SFPQ: variants seen among roughly 807,000 people sequenced by gnomAD.
SFPQ encodes the protein splicing factor, proline- and glutamine-rich.
A neutral mutation model predicts 72.9 loss-of-function variants in SFPQ; 11 were observed. That is an observed-to-expected ratio of 0.15 (90% confidence interval 0.09 to 0.25). The LOEUF (loss-of-function observed/expected upper bound fraction) is 0.25, where lower values mean the gene tolerates loss of function less well. Among genes scored for constraint, SFPQ ranks in the 10% least tolerant of loss-of-function variants. SFPQ has a pLI of 1.00. For missense variants in SFPQ, 847 were observed against 993.3 expected, an observed-to-expected ratio of 0.85 and a Z score of 1.98; for synonymous variants, 506 against 367.3, an observed-to-expected ratio of 1.38 and a Z score of -4.32.
chr1:35,188,096 AATACCC>A lies in SFPQ; in HGVS notation c.1698-12_1698-7del. 1 of 1,587,516 alleles carries A rather than the reference AATACCC, an allele frequency of 6.3e-7. No homozygotes were observed. The highest frequency in any genetic ancestry group is 8.7e-7 in the Non-Finnish European group (1 of 1,155,868). On this transcript the variant is annotated splice_region_variant and splice_polypyrimidine_tract_variant and intron_variant, in intron 6 of 9. Transcript: ENST00000357214. ...TACGTCGTTCCTCCTCTTGCCTAGA[AATACCC>A]ATCAGGTACATAACTGAAGTGTTAT...
downstream of SFPQ, chr1:35,179,002 TTA>T: frequency 9.5e-7 from 1 of 1,057,548 alleles, no homozygotes; most frequent in Non-Finnish European, 1.1e-6. Flanking sequence ...TTGCCAATCA[TTA>T]TCTAGCAGCA....
At position 35,192,953 on chromosome 1, in the gene SFPQ, A is replaced by G; in HGVS notation, c.97T>C (p.Ser33Pro). The change falls in exon 1 of 10, where the codon TCT (serine) becomes CCT (proline). Residue 33 changes from serine to proline, a missense_variant. Physicochemically the swap from Ser to Pro is moderately conservative, Grantham distance 74. Transcript: ENST00000357214. ...TTGAGGCCCATGCCGGGCGGCGGAGAACGGAAGTCGTGGAGGCCGCCGCGG... is the reference window on the plus strand; with the variant it reads ...TTGAGGCCCATGCCGGGCGGCGGAGGACGGAAGTCGTGGAGGCCGCCGCGG... ...GGRGGLHDFR[S>P]PPPGMGLNQN... 6.3e-7 allele frequency: 1 copy of G among 1,585,868 alleles called. No individual in the cohort carries two copies. The highest frequency in any genetic ancestry group is 2.3e-5 in the East Asian group (1 of 43,982).
intron 7 of SFPQ, 48 bp downstream of exon 7, chr1:35,187,925 C>T: frequency 8.5e-7 from 1 of 1,169,730 alleles, no homozygotes; most frequent in South Asian, 1.3e-5. Context: ...TAGGTACCTG[C>T]AAGTTCTATA....
downstream of SFPQ, chr1:35,179,223 A>C: frequency 4.7e-6 from 5 of 1,061,584 alleles, no homozygotes; most frequent in Non-Finnish European, 5.7e-6. Flanking sequence ...ATGTCACTGC[A>C]GCTGACAATG....
At chr1:35,180,808 T>C, downstream of SFPQ, 1 of 985,392 alleles carries the variant, frequency 1.0e-6, no homozygotes, top group Non-Finnish European at 1.2e-6. Context: ...AGTTCCCAAG[T>C]ATAGTTTAGT....
In SFPQ at chr1:35,183,853, T is replaced by A; in HGVS notation, c.*603A>T. The A allele has an allele frequency of 1.9e-6, 2 of 1,054,984 alleles. No individual in the cohort carries two copies. Among genetic ancestry groups the A allele is most frequent in the Non-Finnish European group, 2.3e-6 (2 of 872,686 alleles). 65.4% of individuals were successfully genotyped at this position (1,054,984 alleles called of 1,614,324 possible). A position where few individuals can be genotyped will look rare whatever the true frequency, so the allele number is the denominator to read the frequency against. On this transcript the variant is annotated 3_prime_UTR_variant, in exon 10 of 10. Transcript: ENST00000357214. ...AATACATATTCCTGAAGATTTACAGTTCAGCTTTGCTTACATAACCATTTA... is the reference window on the plus strand; with the variant it reads ...AATACATATTCCTGAAGATTTACAGATCAGCTTTGCTTACATAACCATTTA...
chr1:35,184,805 C>A (rs1270717593), intron 9 of SFPQ, among the ~76,000 whole-genome samples: 1 of 152,166 alleles, frequency 6.6e-6, no homozygotes, highest in Non-Finnish European at 1.5e-5. Flanking sequence ...TTGAGCCATT[C>A]TCATACACCT....
intron 6 of SFPQ, among the ~76,000 whole-genome samples, chr1:35,188,785 C>T (rs1639852663): frequency 6.6e-6 from 1 of 152,162 alleles, no homozygotes; most frequent in South Asian, 2.1e-4. Context: ...GGCGAAACCC[C>T]GTTATCTACT....
Position 35,192,668 on chromosome 1 carries a change from A to G in SFPQ, c.382T>C (p.Ser128Pro), listed in dbSNP as rs1640088030. 7.2e-7 allele frequency: 1 copy of G among 1,394,082 alleles called. No homozygotes were observed. Among genetic ancestry groups the G allele is most frequent in the Admixed American group, 3.4e-5 (1 of 29,578 alleles). The allele number at this position is 1,394,082 out of a possible 1,614,324, so 86.4% of individuals were successfully genotyped here. A position where few individuals can be genotyped will look rare whatever the true frequency, so the allele number is the denominator to read the frequency against. The change falls in exon 1 of 10, where the codon TCC (serine) becomes CCC (proline). Residue 128 changes from serine to proline, a missense_variant. Transcript: ENST00000357214. ...APGVGSAPPASSSAPPATPPT... is the reference protein window; with the variant it reads ...APGVGSAPPAPSSAPPATPPT... ...GGAGTGGCGGGCGGGGCCGAGCTGG[A>G]GGCTGGTGGTGCGCTGCCTACTCCG...
downstream of SFPQ, chr1:35,179,170 C>T: frequency 9.4e-7 from 1 of 1,060,166 alleles, no homozygotes; most frequent in African/African-American, 1.6e-5. Context: ...AAAACCTGTC[C>T]AAAATCATTA....
downstream of SFPQ, chr1:35,178,196 G>A: frequency 1.9e-6 from 2 of 1,069,462 alleles, no homozygotes; most frequent in Middle Eastern, 4.2e-4. Flanking sequence ...ATGGTGGGGG[G>A]GAAATCTAAA....
At chr1:35,182,756 A>G (rs984122027), downstream of SFPQ, 48 of 985,318 alleles carry the variant, frequency 4.9e-5, no homozygotes, top group Admixed American at 6.1e-5. Context: ...GAACAAAGCC[A>G]AACCATTCAA....
chr1:35,186,718 A>C (rs1639737152), intron 9 of SFPQ, among the ~76,000 whole-genome samples: 1 of 152,184 alleles, frequency 6.6e-6, no homozygotes, highest in Non-Finnish European at 1.5e-5. Context: ...CATGCACTAG[A>C]GTTCAAAAGC....
Position 35,192,232 on chromosome 1 carries a change from G to T in SFPQ, c.818C>A (p.Ser273Ter). 6.8e-7 allele frequency: 1 copy of T among 1,460,170 alleles called. No homozygotes were observed. Among genetic ancestry groups the T allele is most frequent in the South Asian group, 1.3e-5 (1 of 76,634 alleles). The allele number at this position is 1,460,170 out of a possible 1,614,324, so 90.5% of individuals were successfully genotyped here. The change falls in exon 1 of 10, where the codon TCG becomes TAG. Residue 273 changes from serine to a stop codon, truncating the protein, a stop_gained. Transcript: ENST00000357214. LOFTEE classifies it high-confidence loss of function. Reference protein sequence around the residue: ...GPGGRSEEKISDSEGFKANLS... With the variant: ...GPGGRSEEKI ...CCCATAGACACTCACCTCCGAGTCCGAGATCTTCTCCTCGCTGCGGCCGCC... is the reference window on the plus strand; with the variant it reads ...CCCATAGACACTCACCTCCGAGTCCTAGATCTTCTCCTCGCTGCGGCCGCC...
intron 1 of SFPQ, 32 bp from the exon 2 acceptor site, chr1:35,191,561 C>G (rs200089397): frequency 5.0e-4 from 759 of 1,529,216 alleles, no homozygotes; most frequent in Non-Finnish European, 6.4e-4. Context: ...TTTCAAACAC[C>G]AGAGACCTCT....
At chr1:35,182,519 G>A (rs1557786353), downstream of SFPQ, 3 of 985,350 alleles carry the variant, frequency 3.0e-6, no homozygotes, top group Non-Finnish European at 3.6e-6. Context: ...ATACACTAGT[G>A]TTTACTTTCA....
chr1:35,178,362 T>C (rs140769934), downstream of SFPQ: 100 of 1,063,736 alleles, frequency 9.4e-5, no homozygotes, highest in East Asian at 2.5e-3. Flanking sequence ...TGTGACAACG[T>C]TGACCTCACC....
downstream of SFPQ, chr1:35,179,052 C>G (rs965926651): frequency 1.9e-5 from 20 of 1,058,500 alleles, no homozygotes; most frequent in Non-Finnish European, 2.1e-5. Context: ...CCTCTGAATT[C>G]TTTCCCTAAT....
chr1:35,191,376 T>C lies in SFPQ; in HGVS notation c.982A>G (p.Ile328Val). The change falls in exon 2 of 10, where the codon ATC becomes GTC. Residue 328 changes from isoleucine to valine, a missense_variant. By Grantham distance (29) the Ile-to-Val change is conservative. This residue lies in a region of SFPQ where 35 missense variants were observed against 52.9 expected (regional missense o/e 0.66). Transcript: ENST00000357214. Reference protein sequence around the residue: ...AKYGEPGEVFINKGKGFGFIK... With the variant: ...AKYGEPGEVFVNKGKGFGFIK... ...AATCCGAATCCTTTGCCTTTGTTGA[T>C]AAAAACTTCTCCTGGTTCTCCATAT... 2 of 1,614,132 alleles carry C rather than the reference T, an allele frequency of 1.2e-6. No individual in the cohort carries two copies. Among genetic ancestry groups the C allele is most frequent in the Non-Finnish European group, 1.7e-6 (2 of 1,179,972 alleles).
Sources: gnomAD v4.1 joint callset for allele counts (sites outside exome capture counted in the v4.1 genomes callset) on GRCh38, gnomAD v4.1.1 for gene constraint, gnomAD v4.1.1 regional missense constraint, MANE v1.5 for transcripts, NCBI Gene and HGNC (gene_info 2026-07-23, HGNC 2026-07-21) for gene names.